The following ABCC3 variants were observed in gnomAD, a reference collection of about 807,000 sequenced individuals.
ABCC3 encodes the protein ATP-binding cassette sub-family C member 3.
A neutral mutation model predicts 165.3 loss-of-function variants in ABCC3; 121 were observed. The observed-to-expected ratio is 0.73, with a 90% CI of 0.63 to 0.85. The LOEUF is 0.85. Ranked by LOEUF, ABCC3 falls within the 40% of genes least tolerant of loss-of-function variation. The probability of loss-of-function intolerance (pLI) is 0.00; values close to 1 mark genes in which losing one functional copy is unlikely to be tolerated. For missense variants in ABCC3, 1,869 were observed against 1,964.1 expected (o/e 0.95, Z 0.92); for synonymous variants, 733 against 810.1 (o/e 0.90, Z 1.62).
intron 8 of ABCC3, among the ~76,000 whole-genome samples, chr17:50,662,759 G>A (rs1967421531): frequency 6.6e-6 from 1 of 152,092 alleles, no homozygotes; most frequent in African/African-American, 2.4e-5. Flanking sequence ...ACCAGGTGTT[G>A]GGAGCTGAAC....
intron 1 of ABCC3, among the ~76,000 whole-genome samples, chr17:50,641,178 C>A (rs1351368907): frequency 1.3e-5 from 2 of 152,228 alleles, no homozygotes; most frequent in Non-Finnish European, 2.9e-5. Context: ...CATGAGGGGG[C>A]CTCTGCCACG....
At chr17:50,682,641 C>A (rs1319942954) in intron 26 of ABCC3, among the ~76,000 whole-genome samples, 1 of 152,120 alleles carries the variant, frequency 6.6e-6, no homozygotes, top group Admixed American at 6.5e-5. Flanking sequence ...TCTGCCTCCT[C>A]CAGGAAGCCT....
rs1967743741 is a variant in ABCC3 at position 50,674,028 on chromosome 17, CTCTCTCTCTTTCTTTCTTTCTT to C, written c.2599+374_2599+395del. 2.3e-4 allele frequency among the ~76,000 whole-genome samples: 7 copies of C among 30,330 alleles called. 1 individual carries two copies. The highest frequency in any genetic ancestry group is 1.6e-3 in the African/African-American group (6 of 3,818). 19.9% of individuals were successfully genotyped at this position (30,330 alleles called of 152,430 possible). A position where few individuals can be genotyped will look rare whatever the true frequency, so the allele number is the denominator to read the frequency against. ...TCTCTCTCTCTCTCTCTCTCTCTCT[CTCTCTCTCTTTCTTTCTTTCTT>C]TCTTTCTTTCTTTCTTTCTTTCTTT... On this transcript the variant is annotated intron_variant, in intron 19 of 30. Coordinates refer to ENST00000285238, the MANE Select transcript of ABCC3 (RefSeq NM_003786.4).
At chr17:50,678,000 G>T in intron 24 of ABCC3, 57 bp downstream of exon 24, 1 of 1,613,970 alleles carries the variant, frequency 6.2e-7, no homozygotes, top group Non-Finnish European at 8.5e-7. Flanking sequence ...CAGGCTCTCT[G>T]GTGTTCAGGG....
chr17:50,651,056 C>T (rs1234268724), intron 1 of ABCC3, among the ~76,000 whole-genome samples: 2 of 123,128 alleles, frequency 1.6e-5, no homozygotes, highest in African/African-American at 3.3e-5. Flanking sequence ...CAGCGCGAGA[C>T]TCCATCTCAG....
chr17:50,675,104 G>C (rs1017755191), intron 19 of ABCC3, among the ~76,000 whole-genome samples: 3 of 152,080 alleles, frequency 2.0e-5, no homozygotes, highest in African/African-American at 7.2e-5. Context: ...GACCAAGGAC[G>C]TGAGTTTTAA....
intron 26 of ABCC3, among the ~76,000 whole-genome samples, chr17:50,682,496 T>C (rs1034772909): frequency 6.6e-6 from 1 of 151,804 alleles, no homozygotes; most frequent in Non-Finnish European, 1.5e-5. Context: ...CTCAGCCTCT[T>C]ACCTCTTGCC....
rs1327464444 is a variant in ABCC3 at position 50,691,664 on chromosome 17, T to C, written c.*464T>C. The C allele has an allele frequency of 2.4e-5, 4 of 167,422 alleles. No individual in the cohort carries two copies. In the East Asian group the frequency reaches 6.1e-4, roughly 26 times the overall value. 10.4% of individuals were successfully genotyped at this position (167,422 alleles called of 1,614,324 possible). ...GGGTGCTGCCTGAATCCATTAAAAA[T>C]GGGAGTACTGATGAAATAAAACTAC... On this transcript the variant is annotated 3_prime_UTR_variant, in exon 31 of 31. Transcript: ENST00000285238.
chr17:50,656,735 G>C lies in ABCC3; in HGVS notation c.256G>C (p.Ala86Pro), dbSNP rs375256776. ...TGTCCTGCTGTGGTGCGTCTCCTGG[G>C]CGGACCTTTTTTACTCCTTCCATGG... ...LGVLLWCVSW[A>P]DLFYSFHGLV... The change falls in exon 3 of 31, where the codon GCG (alanine) becomes CCG (proline). Residue 86 changes from alanine to proline, a missense_variant. Coordinates refer to ENST00000285238, the MANE Select transcript of ABCC3 (RefSeq NM_003786.4). 5 of 1,613,920 alleles carry C rather than the reference G, an allele frequency of 3.1e-6. No homozygotes were observed. Among genetic ancestry groups the C allele is most frequent in the Non-Finnish European group, 4.2e-6 (5 of 1,179,954 alleles).
chr17:50,664,319 C>A, intron 10 of ABCC3: 1 of 614,580 alleles, frequency 1.6e-6, no homozygotes, highest in Admixed American at 3.0e-5. Flanking sequence ...CCAGCCTGGG[C>A]AACATAGCAA....
At chr17:50,653,503 C>T (rs1448546593) in intron 1 of ABCC3, among the ~76,000 whole-genome samples, 1 of 151,964 alleles carries the variant, frequency 6.6e-6, no homozygotes, top group Non-Finnish European at 1.5e-5. Context: ...GTAATCCCAG[C>T]ACTTTGGGAG....
chr17:50,660,484 T>C (rs1967352025), intron 7 of ABCC3, among the ~76,000 whole-genome samples: 1 of 152,188 alleles, frequency 6.6e-6, no homozygotes, highest in Admixed American at 6.5e-5. Flanking sequence ...CTGGCTTTCA[T>C]GGCTTGGAGC....
chr17:50,657,539 C>T (rs916524691), intron 4 of ABCC3, among the ~76,000 whole-genome samples: 1 of 152,218 alleles, frequency 6.6e-6, no homozygotes. Context: ...CTAGAGGTCC[C>T]ATTAGCATGT....
Position 50,673,758 on chromosome 17 carries a change from C to G in ABCC3, c.2599+100C>G, listed in dbSNP as rs2146628399. 2.4e-6 allele frequency: 3 copies of G among 1,272,312 alleles called. No individual in the cohort carries two copies. In the East Asian group the frequency reaches 7.1e-5, roughly 30 times the overall value. 78.8% of individuals were successfully genotyped at this position (1,272,312 alleles called of 1,614,324 possible). On this transcript the variant is annotated intron_variant, in intron 19 of 30. Transcript: ENST00000285238. ...TAGACTGGCCTAGTGTTGTGCCAGGCAGGTTCTGGGAAACTTGGGCCATCT... is the reference window on the plus strand; with the variant it reads ...TAGACTGGCCTAGTGTTGTGCCAGGGAGGTTCTGGGAAACTTGGGCCATCT...
intron 25 of ABCC3, chr17:50,679,183 G>GAGTC: frequency 6.6e-6 from 1 of 152,412 alleles, no homozygotes; most frequent in Non-Finnish European, 1.5e-5. Flanking sequence ...TACTGTCAAA[G>GAGTC]AGTCACCTAA....
intron 1 of ABCC3, among the ~76,000 whole-genome samples, chr17:50,650,515 A>C (rs1967094997): frequency 1.3e-5 from 2 of 152,154 alleles, no homozygotes; most frequent in South Asian, 4.1e-4. Context: ...AACCTCCTAC[A>C]ACTCTTATAT....
intron 1 of ABCC3, among the ~76,000 whole-genome samples, chr17:50,636,198 A>G (rs1418910007): frequency 6.6e-6 from 1 of 152,126 alleles, no homozygotes; most frequent in Non-Finnish European, 1.5e-5. Flanking sequence ...ATTTGTACAT[A>G]TATGCCCTTT....
In ABCC3 at chr17:50,669,467, G is replaced by A; in HGVS notation, c.2180G>A (p.Cys727Tyr). The A allele has an allele frequency of 6.2e-6, 10 of 1,614,246 alleles. No individual in the cohort carries two copies. Among genetic ancestry groups the A allele is most frequent in the Non-Finnish European group, 8.5e-6 (10 of 1,180,044 alleles). Residue 727 changes from cysteine (C) to tyrosine (Y), a missense_variant, in exon 17 of 31, where the codon TGT becomes TAT. By Grantham distance (194) the Cys-to-Tyr change is radical. Coordinates refer to ENST00000285238, the MANE Select transcript of ABCC3 (RefSeq NM_003786.4). ...CGCTACCAGCAGACTCTGGAGGCCTGTGCCTTGCTAGCTGACCTGGAGATG... is the reference window on the plus strand; with the variant it reads ...CGCTACCAGCAGACTCTGGAGGCCTATGCCTTGCTAGCTGACCTGGAGATG... ...PKRYQQTLEACALLADLEMLP... is the reference protein window; with the variant it reads ...PKRYQQTLEAYALLADLEMLP...
chr17:50,635,760 T>G, intron 1 of ABCC3: 1 of 601,698 alleles, frequency 1.7e-6, no homozygotes. Context: ...GGTTCACGCC[T>G]GTAATCCCAC....
Sources: gnomAD v4.1 joint callset for allele counts (sites outside exome capture counted in the v4.1 genomes callset) on GRCh38, gnomAD v4.1.1 for gene constraint, MANE v1.5 for transcripts, NCBI Gene and HGNC (gene_info 2026-07-23, HGNC 2026-07-21) for gene names.